Variants in BACE2 observed in about 807,000 individuals in gnomAD.
BACE2 encodes beta-secretase 2.
A neutral mutation model predicts 46.2 loss-of-function variants in BACE2; 17 were observed. The observed-to-expected ratio is 0.37, with a 90% confidence interval of 0.25 to 0.55. BACE2 has a LOEUF of 0.55. Among genes scored for constraint, BACE2 ranks in the 20% least tolerant of loss-of-function variants. BACE2 has a pLI of 0.82. For synonymous variants in BACE2, 277 were observed against 295.9 expected, an observed-to-expected ratio of 0.94 and a Z score of 0.66; for missense variants, 595 against 698.1, an observed-to-expected ratio of 0.85 and a Z score of 1.66.
chr21:41,249,731 C>T (rs1287818737), intron 6 of BACE2, among the ~76,000 whole-genome samples: 1 of 152,168 alleles, frequency 6.6e-6, no homozygotes, highest in African/African-American at 2.4e-5. Context: ...TCCTGCTCTG[C>T]CCCACGCGGG....
chr21:41,242,365 A>C (rs1241225505), intron 4 of BACE2, among the ~76,000 whole-genome samples: 1 of 152,124 alleles, frequency 6.6e-6, no homozygotes, highest in Non-Finnish European at 1.5e-5. Context: ...CTCAACACAC[A>C]CAGGCACACA....
intron 1 of BACE2, among the ~76,000 whole-genome samples, chr21:41,211,575 A>C (rs559560777): frequency 6.6e-6 from 1 of 152,370 alleles, no homozygotes; most frequent in South Asian, 2.1e-4. Context: ...GCCTACAATC[A>C]TATGTAATAA....
chr21:41,243,878 C>T (rs1275121065), intron 5 of BACE2, among the ~76,000 whole-genome samples: 4 of 151,204 alleles, frequency 2.6e-5, no homozygotes, highest in South Asian at 2.1e-4. Flanking sequence ...CAGAGAAGGA[C>T]GAAAATTAAG....
chr21:41,218,843 C>A (rs950384616), intron 1 of BACE2, among the ~76,000 whole-genome samples: 6 of 151,744 alleles, frequency 4.0e-5, no homozygotes, highest in African/African-American at 1.5e-4. Context: ...TCCTGGAGCA[C>A]CCCCTGTCCC....
intron 1 of BACE2, chr21:41,178,535 A>C (rs1984946754): frequency 1.3e-5 from 2 of 152,672 alleles, no homozygotes; most frequent in Admixed American, 6.5e-5. Context: ...TAGGAGTTCA[A>C]GATCAGCCTA....
intron 1 of BACE2, among the ~76,000 whole-genome samples, chr21:41,221,895 C>T (rs538593409): frequency 1.0e-3 from 153 of 151,394 alleles, no homozygotes; most frequent in African/African-American, 3.0e-3. Flanking sequence ...CAGGCATGCA[C>T]GGCAGACAGA....
chr21:41,186,821 C>G (rs868297946), intron 1 of BACE2: 5 of 152,240 alleles, frequency 3.3e-5, no homozygotes, highest in African/African-American at 1.2e-4. Context: ...CATATTTATA[C>G]CTACCTTTAA....
In BACE2 at chr21:41,279,350, C is replaced by G. The variant is rs1366070243; in HGVS notation, c.*3726C>G. 6.6e-6 allele frequency: 1 copy of G among 152,194 alleles called. No individual in the cohort carries two copies. Among genetic ancestry groups the G allele is most frequent in the South Asian group, 2.1e-4 (1 of 4,834 alleles). The allele number at this position is 152,194 out of a possible 1,614,324, so 9.4% of individuals were successfully genotyped here. On this transcript the variant is annotated 3_prime_UTR_variant, in exon 9 of 9. Transcript: ENST00000330333. Reference sequence around the variant, plus strand: ...GTAGCTCGTGCCTGTAATCCCAGCACTTTGGGAGGCCGAGGCAGGTGGATC... The same window carrying G: ...GTAGCTCGTGCCTGTAATCCCAGCAGTTTGGGAGGCCGAGGCAGGTGGATC...
intron 1 of BACE2, chr21:41,179,015 C>T: frequency 9.9e-7 from 1 of 1,013,412 alleles, no homozygotes; most frequent in South Asian, 1.7e-5. Context: ...ACTGAGCCTT[C>T]AGAAGTTAGG....
rs1263800522 is a variant in BACE2 at position 41,253,690 on chromosome 21, A to G, written c.1134+2789A>G. 1.1e-4 allele frequency among the ~76,000 whole-genome samples: 16 copies of G among 152,138 alleles called. 1 individual carries two copies. Among genetic ancestry groups the G allele is most frequent in the Non-Finnish European group, 4.4e-5 (3 of 68,014 alleles). ...CGGGAAGGCTTGCTTGGCTTCCTCA[A>G]TAGCTTTTAGGACCCAGCACTGGGC... On this transcript the variant is annotated intron_variant, in intron 7 of 8. Transcript: ENST00000330333.
intron 8 of BACE2, among the ~76,000 whole-genome samples, chr21:41,273,230 G>A (rs142482154): frequency 1.3e-3 from 195 of 152,312 alleles, no homozygotes; most frequent in African/African-American, 4.5e-3. Context: ...ATGAAGCTTT[G>A]GGCACGCATT....
intron 8 of BACE2, among the ~76,000 whole-genome samples, chr21:41,257,627 G>A (rs146474585): frequency 1.1e-3 from 163 of 152,240 alleles, no homozygotes; most frequent in Admixed American, 2.0e-3. Context: ...GCAATTTTTC[G>A]ACAGTTTAAG....
intron 7 of BACE2, among the ~76,000 whole-genome samples, chr21:41,254,323 C>T (rs1028209835): frequency 3.9e-5 from 6 of 152,272 alleles, no homozygotes; most frequent in Middle Eastern, 6.8e-3. Flanking sequence ...AGTGTGGTCA[C>T]ATGGCAGCCC....
At position 41,279,961 on chromosome 21, in the gene BACE2, C is replaced by T. The variant is rs1249992746; in HGVS notation, c.*4337C>T. On this transcript the variant is annotated 3_prime_UTR_variant, in exon 9 of 9. Transcript: ENST00000330333. ...GGTCCGCATCAGCCAAGAACGTCCC[C>T]AGGATGCCGTGGGCACCTCATTTCA... The T allele has an allele frequency of 1.3e-5, 2 of 152,408 alleles. No homozygotes were observed. Among genetic ancestry groups the T allele is most frequent in the African/African-American group, 4.8e-5 (2 of 41,570 alleles). 9.4% of individuals were successfully genotyped at this position (152,408 alleles called of 1,614,324 possible).
chr21:41,261,522 C>T (rs1397005866), intron 8 of BACE2, among the ~76,000 whole-genome samples: 1 of 151,862 alleles, frequency 6.6e-6, no homozygotes, highest in Non-Finnish European at 1.5e-5. Flanking sequence ...ATCTAGTCTC[C>T]CTGACTTTTT....
At chr21:41,209,759 G>A (rs1986241511) in intron 1 of BACE2, among the ~76,000 whole-genome samples, 1 of 152,164 alleles carries the variant, frequency 6.6e-6, no homozygotes, top group Non-Finnish European at 1.5e-5. Context: ...ACACCCTGAA[G>A]TCACTATCCT....
intron 1 of BACE2, among the ~76,000 whole-genome samples, chr21:41,214,221 A>C (rs889706682): frequency 6.6e-6 from 1 of 152,128 alleles, no homozygotes; most frequent in South Asian, 2.1e-4. Context: ...TGGTGGAGGG[A>C]GATTGGACCC....
At chr21:41,174,280 C>G (rs965134343) in intron 1 of BACE2, among the ~76,000 whole-genome samples, 4 of 151,598 alleles carry the variant, frequency 2.6e-5, no homozygotes, top group African/African-American at 7.3e-5. Flanking sequence ...GTAGCTGCGA[C>G]TACAGGTGTG....
At chr21:41,190,587 C>A (rs1985535289) in intron 1 of BACE2, among the ~76,000 whole-genome samples, 1 of 152,206 alleles carries the variant, frequency 6.6e-6, no homozygotes. Flanking sequence ...ATTCTGTATT[C>A]CCTTTGCCTT....
Sources: gnomAD v4.1 joint callset for allele counts (sites outside exome capture counted in the v4.1 genomes callset) on GRCh38, gnomAD v4.1.1 for gene constraint, MANE v1.5 for transcripts, NCBI Gene and HGNC (gene_info 2026-07-23, HGNC 2026-07-21) for gene names.